LGMN: variants seen among roughly 807,000 people sequenced by gnomAD.
LGMN encodes asparaginyl endopeptidase.
Under a neutral mutation model 56.8 loss-of-function variants are expected in LGMN, and 36 were observed. That is an observed-to-expected ratio of 0.63 (90% CI 0.49 to 0.84). LGMN has a LOEUF of 0.84. Among genes scored for constraint, LGMN ranks in the 40% least tolerant of loss-of-function variants. LGMN has a pLI of 0.00. For synonymous variants in LGMN, 199 were observed against 210.1 expected (o/e 0.95, Z 0.46); for missense variants, 446 against 556.1 (o/e 0.80, Z 1.99).
intron 7 of LGMN, 38 bp downstream of exon 7, chr14:92,713,783 ACC>A: frequency 6.9e-7 from 1 of 1,454,908 alleles, no homozygotes; most frequent in Non-Finnish European, 9.7e-7. Flanking sequence ...CTTTCCTCAC[ACC>A]CCCCGCCCCC....
chr14:92,704,101 CT>C lies in LGMN; in HGVS notation c.*217del, dbSNP rs3215728. Reference sequence around the variant, plus strand: ...AAATATGACCCTTCTCAATACAGAGCTTTTCCCACCCTAATTTGTAGTTTTT... The same window carrying C: ...AAATATGACCCTTCTCAATACAGAGCTTTCCCACCCTAATTTGTAGTTTTT... On this transcript the variant is annotated 3_prime_UTR_variant, in exon 14 of 14. Coordinates refer to ENST00000334869, the MANE Select transcript of LGMN (RefSeq NM_005606.7). 8.6e-4 allele frequency: 613 copies of C among 710,464 alleles called. 7 individuals carry two copies. The East Asian group carries it at 0.014, about 16-fold the overall frequency. The allele number at this position is 710,464 out of a possible 1,614,324, so 44.0% of individuals were successfully genotyped here.
intron 1 of LGMN, among the ~76,000 whole-genome samples, chr14:92,735,872 C>T (rs906657106): frequency 1.3e-5 from 2 of 151,880 alleles, no homozygotes; most frequent in Admixed American, 6.6e-5. Flanking sequence ...GCTGGGGACC[C>T]CCAGTGCTAG....
At chr14:92,715,013 T>G (rs1394834535) in intron 5 of LGMN, among the ~76,000 whole-genome samples, 2 of 151,142 alleles carry the variant, frequency 1.3e-5, no homozygotes, top group African/African-American at 4.9e-5. Context: ...TTTTTTTTTT[T>G]TTTGAGATGG....
chr14:92,745,441 TTC>T (rs1160946228), intron 1 of LGMN, among the ~76,000 whole-genome samples: 2 of 152,168 alleles, frequency 1.3e-5, no homozygotes, highest in African/African-American at 4.8e-5. Flanking sequence ...ATCCAGACCA[TTC>T]TCTGTTATTT....
intron 3 of LGMN, 58 bp downstream of exon 3, chr14:92,718,689 C>A: frequency 1.7e-6 from 2 of 1,160,664 alleles, no homozygotes; most frequent in Non-Finnish European, 2.6e-6. Context: ...GTCTATGTGA[C>A]CTTTTTTTAA....
At chr14:92,732,412 A>T (rs1891094238) in intron 2 of LGMN, 3 of 468,192 alleles carry the variant, frequency 6.4e-6, no homozygotes, top group African/African-American at 5.9e-5. Flanking sequence ...GGCCCTATCA[A>T]AACTTCTGAG....
At chr14:92,732,909 G>A in intron 1 of LGMN, 94 bp from the exon 2 acceptor site, 1 of 940,284 alleles carries the variant, frequency 1.1e-6, no homozygotes, top group Non-Finnish European at 1.5e-6. Flanking sequence ...CCAGCACTTT[G>A]GGAGGCCGAG....
intron 2 of LGMN, among the ~76,000 whole-genome samples, chr14:92,721,959 G>A (rs1890501316): frequency 6.6e-6 from 1 of 152,024 alleles, no homozygotes. Flanking sequence ...TGGGAACATA[G>A]TGAAAAAAAG....
rs1335625679 is a variant in LGMN, at chr14:92,719,317, G to GCCA, written c.139-474_139-473insTGG. On this transcript the variant is annotated intron_variant, in intron 2 of 13. Coordinates refer to ENST00000334869, the MANE Select transcript of LGMN (RefSeq NM_005606.7). ...CGCCGCCGCCACCGCCGCCACCGCC[G>GCCA]CCGCCGCCACCGCCACCGCCATCAC... 6.3e-4 allele frequency among the ~76,000 whole-genome samples: 24 copies of GCCA among 38,340 alleles called. 1 individual carries two copies. Among genetic ancestry groups the GCCA allele is most frequent in the East Asian group, 1.8e-3 (4 of 2,228 alleles). 25.2% of individuals were successfully genotyped at this position (38,340 alleles called of 152,430 possible).
At position 92,709,911 on chromosome 14, in the gene LGMN, CGA is replaced by C. The variant is rs760406026; in HGVS notation, c.820-41_820-40del. ...CAGCAAGAGAGAGCGAGAGAGAAAGCGAGAGAGAGTGAGAGAAGGCCAGAGAG... is the reference window on the plus strand; with the variant it reads ...CAGCAAGAGAGAGCGAGAGAGAAAGCGAGAGAGTGAGAGAAGGCCAGAGAG... On this transcript the variant is annotated intron_variant, in intron 10 of 13. Transcript: ENST00000334869. The C allele has an allele frequency of 3.9e-4, 592 of 1,511,690 alleles. 1 individual carries two copies. The highest frequency in any genetic ancestry group is 5.1e-4 in the Non-Finnish European group (566 of 1,109,626). 93.6% of individuals were successfully genotyped at this position (1,511,690 alleles called of 1,614,324 possible).
In LGMN at chr14:92,711,796, G is replaced by A. The variant is rs7158442; in HGVS notation, c.729+41C>T. On this transcript the variant is annotated intron_variant, in intron 9 of 13. Coordinates refer to ENST00000334869, the MANE Select transcript of LGMN (RefSeq NM_005606.7). ...AGACCTTTGACAATCAGAGTCTGAC[G>A]GTTAAACCCCAGCTGAACAGCCAGC... 15,015 of 1,608,972 alleles carry A rather than the reference G, an allele frequency of 9.3e-3. 115 individuals carry two copies. The highest frequency in any genetic ancestry group is 0.024 in the African/African-American group (1,789 of 74,882).
chr14:92,742,156 A>AC (rs34757540), intron 1 of LGMN, among the ~76,000 whole-genome samples: 17,042 of 149,490 alleles, frequency 0.11, 1,198 homozygotes, highest in Non-Finnish European at 0.14. Context: ...AATTCCACTA[A>AC]CCCCCCCTCA....
chr14:92,706,279 C>G (rs1889424451), intron 12 of LGMN: 2 of 431,290 alleles, frequency 4.6e-6, no homozygotes, highest in African/African-American at 4.0e-5. Flanking sequence ...GGTAAACTCT[C>G]CTACCCACTG....
chr14:92,744,594 GTTT>G (rs1157955787), intron 1 of LGMN, among the ~76,000 whole-genome samples: 1 of 128,220 alleles, frequency 7.8e-6, no homozygotes. Flanking sequence ...TTATCCTTTA[GTTT>G]TTTTTTTTTT....
chr14:92,717,346 A>T, intron 4 of LGMN, 34 bp downstream of exon 4: 1 of 1,325,938 alleles, frequency 7.5e-7, no homozygotes, highest in East Asian at 2.4e-5. Context: ...AATGAAAACT[A>T]AACCAGCTGG....
intron 12 of LGMN, 88 bp downstream of exon 12, chr14:92,706,395 T>C (rs1889428929): frequency 8.8e-7 from 1 of 1,141,984 alleles, no homozygotes; most frequent in Admixed American, 2.6e-5. Context: ...TGGAACCTTC[T>C]ATAAGGTCGT....
At chr14:92,740,172 C>T (rs1891483966) in intron 1 of LGMN, among the ~76,000 whole-genome samples, 1 of 152,150 alleles carries the variant, frequency 6.6e-6, no homozygotes, top group African/African-American at 2.4e-5. Flanking sequence ...CACTTGAACC[C>T]GGGAGGCAGA....
At chr14:92,747,487 C>T (rs779490833) in intron 1 of LGMN, among the ~76,000 whole-genome samples, 3 of 152,170 alleles carry the variant, frequency 2.0e-5, no homozygotes, top group African/African-American at 4.8e-5. Flanking sequence ...GAGACTCCGT[C>T]TCAAAAACAA....
chr14:92,730,428 T>C (rs1480635050), intron 2 of LGMN, among the ~76,000 whole-genome samples: 1 of 152,128 alleles, frequency 6.6e-6, no homozygotes, highest in Non-Finnish European at 1.5e-5. Context: ...TTATTATCAT[T>C]TTTTTTAAAC....
Sources: gnomAD v4.1 joint callset for allele counts (sites outside exome capture counted in the v4.1 genomes callset) on GRCh38, gnomAD v4.1.1 for gene constraint, MANE v1.5 for transcripts, NCBI Gene and HGNC (gene_info 2026-07-23, HGNC 2026-07-21) for gene names.